Variants in LOC400499 observed in about 807,000 individuals in gnomAD.
the LOC400499 span, among the ~76,000 whole-genome samples, chr16:11,496,224 G>A: frequency 1.3e-5 from 2 of 151,994 alleles, no homozygotes; most frequent in African/African-American, 2.4e-5. Flanking sequence ...CTGCCACCAC[G>A]CCTGGCTAAT....
At chr16:11,440,512 C>T in the LOC400499 span, among the ~76,000 whole-genome samples, 2 of 152,228 alleles carry the variant, frequency 1.3e-5, no homozygotes, top group African/African-American at 4.8e-5. Flanking sequence ...CACATGAACA[C>T]TGGCCTTTCA....
At chr16:11,425,513 G>T in the LOC400499 span, 94,604 of 398,148 alleles carry the variant, frequency 0.24, 11,905 homozygotes, top group East Asian at 0.33. Context: ...AAAAGAATTT[G>T]GGGGTAAGAA....
the LOC400499 span, among the ~76,000 whole-genome samples, chr16:11,406,651 C>T: frequency 2.0e-4 from 31 of 152,284 alleles, no homozygotes; most frequent in East Asian, 1.5e-3. Flanking sequence ...GTGCTGGTCT[C>T]GAACTCCTCA....
At chr16:11,460,072 G>A in the LOC400499 span, 1 of 1,357,196 alleles carries the variant, frequency 7.4e-7, no homozygotes, top group Non-Finnish European at 9.5e-7. Flanking sequence ...ACACATGGGT[G>A]GTGAACTGCC....
chr16:11,514,521 G>T, the LOC400499 span: 1 of 399,858 alleles, frequency 2.5e-6, no homozygotes, highest in Non-Finnish European at 4.4e-6. Flanking sequence ...ACGCAGGTCA[G>T]GCGGGAGGTC....
At chr16:11,398,650 T>A in the LOC400499 span, 1 of 567,280 alleles carries the variant, frequency 1.8e-6, no homozygotes, top group Non-Finnish European at 2.6e-6. Flanking sequence ...AGCACCCCCT[T>A]ACACTCTGCG....
chr16:11,391,617 G>C, the LOC400499 span: 2 of 1,227,618 alleles, frequency 1.6e-6, no homozygotes, highest in Non-Finnish European at 1.0e-6. Flanking sequence ...GTGGAGAGGG[G>C]GGACATTGAT....
the LOC400499 span, among the ~76,000 whole-genome samples, chr16:11,383,214 C>T: frequency 8.2e-4 from 124 of 152,078 alleles, no homozygotes; most frequent in African/African-American, 2.2e-3. Context: ...TACAGGCGCC[C>T]GCAACCATGC....
the LOC400499 span, among the ~76,000 whole-genome samples, chr16:11,507,933 A>G: frequency 6.7e-6 from 1 of 150,002 alleles, no homozygotes; most frequent in African/African-American, 2.4e-5. Context: ...GACCCTGTCT[A>G]AAAAAAAAAT....
chr16:11,481,303 T>G, the LOC400499 span, among the ~76,000 whole-genome samples: 12 of 152,278 alleles, frequency 7.9e-5, no homozygotes, highest in African/African-American at 2.9e-4. Flanking sequence ...ACATGGTGAA[T>G]GTACTAAATA....
the LOC400499 span, among the ~76,000 whole-genome samples, chr16:11,459,262 T>A: frequency 7.0e-6 from 1 of 143,004 alleles, no homozygotes; most frequent in East Asian, 2.2e-4. Context: ...AGTGGTGCGA[T>A]CTCGGCTCAC....
chr16:11,473,031 G>C, the LOC400499 span: 1 of 151,834 alleles, frequency 6.6e-6, no homozygotes, highest in South Asian at 2.1e-4. Flanking sequence ...CAGGAGAATC[G>C]CTTAAACCCG....
At chr16:11,476,136 G>C in the LOC400499 span, among the ~76,000 whole-genome samples, 1 of 151,834 alleles carries the variant, frequency 6.6e-6, no homozygotes, top group Non-Finnish European at 1.5e-5. Context: ...AAGAAGGCTG[G>C]TGGGAGGGGG....
the LOC400499 span, chr16:11,424,072 C>T: frequency 2.8e-5 from 11 of 399,144 alleles, no homozygotes; most frequent in Non-Finnish European, 4.9e-5. Flanking sequence ...CCCACTGGCC[C>T]CCGAGAGGGC....
chr16:11,462,214 G>A, the LOC400499 span: 18 of 1,534,306 alleles, frequency 1.2e-5, no homozygotes, highest in African/African-American at 6.9e-5. Context: ...TGAAGACGAC[G>A]GGGCTGCCCC....
At chr16:11,437,719 A>G in the LOC400499 span, among the ~76,000 whole-genome samples, 1 of 152,066 alleles carries the variant, frequency 6.6e-6, no homozygotes, top group Admixed American at 6.5e-5. Context: ...AATACAAAAA[A>G]TTATCTGGGT....
At chr16:11,462,333 A>T in the LOC400499 span, 1 of 1,446,422 alleles carries the variant, frequency 6.9e-7, no homozygotes, top group South Asian at 1.4e-5. Context: ...ACCTGGGAGG[A>T]CAGGCTTGGC....
At chr16:11,479,003 A>C in the LOC400499 span, among the ~76,000 whole-genome samples, 4 of 152,234 alleles carry the variant, frequency 2.6e-5, no homozygotes, top group Non-Finnish European at 5.9e-5. Context: ...AAGCCTCCCC[A>C]GTCAGTTGGA....
At chr16:11,387,423 G>T in the LOC400499 span, 1 of 706,482 alleles carries the variant, frequency 1.4e-6, no homozygotes, top group South Asian at 7.5e-5. Context: ...TTTCAGGGAG[G>T]GGCTGTCCTT....
Sources: gnomAD v4.1 joint callset for allele counts (sites outside exome capture counted in the v4.1 genomes callset) on GRCh38, gnomAD v4.1.1 for gene constraint, MANE v1.5 for transcripts.